Variants in KLRK1 observed in about 807,000 individuals in gnomAD.
KLRK1 encodes the protein NKG2-D type II integral membrane protein.
Under a neutral mutation model 31.3 loss-of-function variants are expected in KLRK1, and 40 were observed. The ratio of observed to expected loss-of-function variants is 1.28; its 90% CI spans 0.99 to 1.67. The LOEUF (loss-of-function observed/expected upper bound fraction) is 1.67. KLRK1 is among the 40% of genes most tolerant of loss of function. KLRK1 has a pLI of 0.00. For missense variants in KLRK1, 251 were observed against 260.0 expected (o/e 0.97, Z 0.24); for synonymous variants, 77 against 77.3 (o/e 1.00, Z 0.02).
chr12:10,388,652 T>C (rs2294147), intron 2 of KLRK1, 119 bp downstream of exon 2: 164,678 of 1,159,656 alleles, frequency 0.14, 12,846 homozygotes, highest in East Asian at 0.2. Context: ...TCAACATAAA[T>C]AGAACATGAA....
rs562989240 is a variant in KLRK1 at position 10,384,508 on chromosome 12, G to A, written c.148+2395C>T. Among the ~76,000 whole-genome samples, 11 of 152,038 alleles carry A rather than the reference G, an allele frequency of 7.2e-5. No homozygotes were observed. The East Asian group carries it at 2.1e-3, about 29-fold the overall frequency. ...CAATAACATACACTGGGAAAGGAGA[G>A]CCTCTTCAATAAATGAAGCTGAAAA... On this transcript the variant is annotated intron_variant, in intron 3 of 7. Coordinates refer to ENST00000240618, the MANE Select transcript of KLRK1 (RefSeq NM_007360.4).
At chr12:10,373,836 T>C (rs1438802269) in intron 7 of KLRK1, among the ~76,000 whole-genome samples, 2 of 152,130 alleles carry the variant, frequency 1.3e-5, no homozygotes, top group Admixed American at 6.5e-5. Context: ...TCATAAGAGA[T>C]GGGAAATAGA....
At chr12:10,374,448 A>G (rs56056709) in intron 7 of KLRK1, among the ~76,000 whole-genome samples, 7,852 of 145,304 alleles carry the variant, frequency 0.054, 700 homozygotes, top group African/African-American at 0.19. Flanking sequence ...GCTGGAGTGC[A>G]GTGGCGCAAT....
chr12:10,386,181 C>A (rs2137819326), intron 3 of KLRK1, among the ~76,000 whole-genome samples: 1 of 151,914 alleles, frequency 6.6e-6, no homozygotes, highest in East Asian at 1.9e-4. Flanking sequence ...AATAATGATA[C>A]ATTTCATACC....
At chr12:10,379,847 CTTTGTAT>C in intron 3 of KLRK1, 55 bp from the exon 4 acceptor site, 1 of 1,474,328 alleles carries the variant, frequency 6.8e-7, no homozygotes, top group Non-Finnish European at 9.2e-7. Context: ...GTTTGGGTAT[CTTTGTAT>C]TTAATATAAA....
intron 5 of KLRK1, 132 bp downstream of exon 5, chr12:10,379,315 A>G: frequency 2.4e-6 from 1 of 416,620 alleles, no homozygotes; most frequent in Non-Finnish European, 4.0e-6. Context: ...TAAAAGGAAA[A>G]CAGAAGCCAT....
chr12:10,386,812 G>T, intron 3 of KLRK1, 91 bp downstream of exon 3: 1 of 834,188 alleles, frequency 1.2e-6, no homozygotes, highest in Non-Finnish European at 1.7e-6. Context: ...TGAAGATAAA[G>T]TCAACTGAAT....
Position 10,372,788 on chromosome 12 carries a change from C to T in KLRK1, c.*326G>A. On this transcript the variant is annotated 3_prime_UTR_variant, in exon 8 of 8. Coordinates refer to ENST00000240618, the MANE Select transcript of KLRK1 (RefSeq NM_007360.4). ...TCAGTGATCTGCTGGCCTTCTCTTC[C>T]TTCACTGATCCCCTGGGTGTTGGTC... 1 of 283,136 alleles carries T rather than the reference C, an allele frequency of 3.5e-6. No homozygotes were observed. Among genetic ancestry groups the T allele is most frequent in the Non-Finnish European group, 6.6e-6 (1 of 150,984 alleles). The allele number at this position is 283,136 out of a possible 1,614,324, so 17.5% of individuals were successfully genotyped here.
At chr12:10,381,440 C>G (rs1365730626) in intron 3 of KLRK1, among the ~76,000 whole-genome samples, 1 of 152,004 alleles carries the variant, frequency 6.6e-6, no homozygotes, top group Non-Finnish European at 1.5e-5. Flanking sequence ...TATCTATCAT[C>G]ATAAAAATAC....
In KLRK1 at chr12:10,378,610, C is replaced by A. The variant is rs147568901; in HGVS notation, c.373G>T (p.Ala125Ser). Reference sequence around the variant, plus strand: ...CTGGCATTTTGAGACATACAAGAAGCCTGGCTCTCATACCAGTTTTTACTC... The same window carrying A: ...CTGGCATTTTGAGACATACAAGAAGACTGGCTCTCATACCAGTTTTTACTC... ...DESKNWYESQASCMSQNASLL... is the reference protein window; with the variant it reads ...DESKNWYESQSSCMSQNASLL... Residue 125 changes from alanine to serine, a missense_variant, in exon 6 of 8, where the codon GCT becomes TCT. Coordinates refer to ENST00000240618, the MANE Select transcript of KLRK1 (RefSeq NM_007360.4). The A allele has an allele frequency of 4.3e-4, 700 of 1,612,768 alleles. 5 individuals carry two copies. The South Asian group carries it at 4.4e-3, about 10-fold the overall frequency.
intron 2 of KLRK1, 107 bp downstream of exon 2, chr12:10,388,664 A>G (rs1863211984): frequency 1.6e-6 from 2 of 1,233,272 alleles, no homozygotes; most frequent in Non-Finnish European, 2.3e-6. Context: ...GAACATGAAA[A>G]GAATCAGAGT....
intron 3 of KLRK1, among the ~76,000 whole-genome samples, chr12:10,385,571 G>T (rs1863153303): frequency 1.3e-5 from 2 of 151,986 alleles, no homozygotes; most frequent in Admixed American, 1.3e-4. Context: ...GCTCACAGAA[G>T]TAGAGAGTAG....
rs1863010158 is a variant in KLRK1 at position 10,378,636 on chromosome 12, T to C, written c.347A>G (p.Glu116Gly). Residue 116 changes from glutamate (E) to glycine (G), a missense_variant, in exon 6 of 8, where the codon GAG (glutamate) becomes GGG (glycine). Coordinates refer to ENST00000240618, the MANE Select transcript of KLRK1 (RefSeq NM_007360.4). ...CTGGCTCTCATACCAGTTTTTACTC[T>C]CATCAAAAAATTGGTAGCAGTTATT... is the stretch of plus-strand genomic sequence containing the variant. ...YKNNCYQFFD[E>G]SKNWYESQAS... The C allele has an allele frequency of 2.5e-6, 4 of 1,610,492 alleles. No homozygotes were observed. Among genetic ancestry groups the C allele is most frequent in the Admixed American group, 1.7e-5 (1 of 58,640 alleles).
intron 3 of KLRK1, among the ~76,000 whole-genome samples, chr12:10,386,325 C>T (rs906400781): frequency 2.6e-5 from 4 of 152,014 alleles, no homozygotes; most frequent in Non-Finnish European, 5.9e-5. Context: ...TTACATATAG[C>T]ACTTTGCATT....
chr12:10,380,469 C>G (rs1468781827), intron 3 of KLRK1, among the ~76,000 whole-genome samples: 1 of 152,080 alleles, frequency 6.6e-6, no homozygotes, highest in African/African-American at 2.4e-5. Context: ...CACAAAGGAC[C>G]AAAACAACAA....
rs765505163 is a variant in KLRK1, at chr12:10,379,746, G to A, written c.195C>T (p.Ile65=). The part of the protein sequence containing the change: ...FCCFIAVAMG[I]RFIIMVTIWS... Reference sequence around the variant, plus strand: ...ATATTGTTACCATAATAATGAAACGGATTCCCATGGCTACAGCGATGAAGC... The same window carrying A: ...ATATTGTTACCATAATAATGAAACGAATTCCCATGGCTACAGCGATGAAGC... Residue 65 remains isoleucine (I), a synonymous_variant, in exon 4 of 8, where the codon ATC becomes ATT. Transcript: ENST00000240618. 2 of 1,612,208 alleles carry A rather than the reference G, an allele frequency of 1.2e-6. No homozygotes were observed. Among genetic ancestry groups the A allele is most frequent in the African/African-American group, 2.7e-5 (2 of 74,976 alleles).
intron 7 of KLRK1, chr12:10,374,059 G>A (rs1862913406): frequency 6.6e-6 from 1 of 152,270 alleles, no homozygotes; most frequent in African/African-American, 2.4e-5. Flanking sequence ...CGCTGCCAAG[G>A]CTGGAGTGCA....
chr12:10,383,720 A>G (rs929529226), intron 3 of KLRK1, among the ~76,000 whole-genome samples: 1 of 152,122 alleles, frequency 6.6e-6, no homozygotes, highest in African/African-American at 2.4e-5. Context: ...CAGCACATGG[A>G]ACATTCATCA....
intron 3 of KLRK1, among the ~76,000 whole-genome samples, chr12:10,383,833 A>G (rs892401768): frequency 6.6e-6 from 1 of 152,102 alleles, no homozygotes. Flanking sequence ...AGAAATTGAT[A>G]ACGAGGAACT....
Sources: gnomAD v4.1 joint callset for allele counts (sites outside exome capture counted in the v4.1 genomes callset) on GRCh38, gnomAD v4.1.1 for gene constraint, MANE v1.5 for transcripts, NCBI Gene and HGNC (gene_info 2026-07-23, HGNC 2026-07-21) for gene names.